COQ9: variants seen among roughly 807,000 people sequenced by gnomAD.
COQ9 encodes ubiquinone biosynthesis protein COQ9, mitochondrial.
A neutral mutation model predicts 42.4 loss-of-function variants in COQ9; 35 were observed. That is an observed-to-expected ratio of 0.83 (90% CI 0.63 to 1.10). The LOEUF is 1.10. Ranked by LOEUF, COQ9 falls within the 50% of genes least tolerant of loss-of-function variation. COQ9 has a pLI of 0.00. For synonymous variants in COQ9, 155 were observed against 155.1 expected (o/e 1.00, Z 0.00); for missense variants, 406 against 414.6 (o/e 0.98, Z 0.18).
At chr16:57,457,356 G>C in intron 5 of COQ9, 1 of 381,770 alleles carries the variant, frequency 2.6e-6, no homozygotes, top group South Asian at 2.2e-5. Context: ...TTTATTGGCT[G>C]TCTTCACTTG....
chr16:57,458,648 T>C (rs949460099), intron 6 of COQ9, among the ~76,000 whole-genome samples: 5 of 152,304 alleles, frequency 3.3e-5, no homozygotes, highest in Admixed American at 2.6e-4. Context: ...TTATTATCAT[T>C]TCCCTCTCTC....
At chr16:57,458,862 C>T (rs755235427) in intron 6 of COQ9, among the ~76,000 whole-genome samples, 5 of 152,134 alleles carry the variant, frequency 3.3e-5, no homozygotes, top group Non-Finnish European at 7.4e-5. Flanking sequence ...TTAAAAAATA[C>T]ACCTTCATAA....
chr16:57,458,111 A>G, intron 5 of COQ9, 135 bp from the exon 6 acceptor site: 1 of 714,272 alleles, frequency 1.4e-6, no homozygotes, highest in Non-Finnish European at 2.5e-6. Flanking sequence ...AACTCACGCC[A>G]GTGGGTGAAG....
intron 3 of COQ9, among the ~76,000 whole-genome samples, chr16:57,455,981 T>C (rs1424528799): frequency 6.6e-6 from 1 of 152,024 alleles, no homozygotes; most frequent in Non-Finnish European, 1.5e-5. Context: ...GATGGGACGA[T>C]TGCTTGAGCC....
intron 5 of COQ9, among the ~76,000 whole-genome samples, chr16:57,457,611 C>A (rs1029063377): frequency 6.6e-6 from 1 of 152,192 alleles, no homozygotes; most frequent in Admixed American, 6.5e-5. Flanking sequence ...TGGAAGACTA[C>A]TAAGCACGTA....
chr16:57,459,695 T>G lies in COQ9; in HGVS notation c.842T>G (p.Met281Arg), dbSNP rs759776839. Residue 281 changes from methionine to arginine, a missense_variant, in exon 7 of 9, where the codon ATG becomes AGG. Coordinates refer to ENST00000262507, the MANE Select transcript of COQ9 (RefSeq NM_020312.4). Reference sequence around the variant, plus strand: ...CTGGAAAACCGGGTTAATGATGCAATGAACATGGGCCACACTGCCAAGCAG... The same window carrying G: ...CTGGAAAACCGGGTTAATGATGCAAGGAACATGGGCCACACTGCCAAGCAG... ...RFLENRVNDAMNMGHTAKQVK... is the reference protein window; with the variant it reads ...RFLENRVNDARNMGHTAKQVK... The G allele has an allele frequency of 1.9e-6, 3 of 1,614,124 alleles. No individual in the cohort carries two copies. The South Asian group carries it at 3.3e-5, about 18-fold the overall frequency.
intron 5 of COQ9, 31 bp from the exon 6 acceptor site, chr16:57,458,215 A>C: frequency 5.3e-6 from 8 of 1,507,450 alleles, no homozygotes; most frequent in Non-Finnish European, 7.3e-6. Context: ...ACCTGTGAGC[A>C]GAGCTTACTC....
At chr16:57,453,103 G>A (rs1369456739) in intron 3 of COQ9, 167 bp downstream of exon 3, 2 of 833,858 alleles carry the variant, frequency 2.4e-6, no homozygotes, top group East Asian at 5.3e-5. Flanking sequence ...GCTTTATTTT[G>A]TAGTTATAAA....
At position 57,460,093 on chromosome 16, in the gene COQ9, G is replaced by T. The variant is rs750834824; in HGVS notation, c.910G>T (p.Ala304Ser). ...GEALVQGLMG[A>S]AVTLKNLTGL... Reference sequence around the variant, plus strand: ...GGCACTGGTGCAAGGACTCATGGGTGCAGCAGTGACGGTGAGTACTGCCCA... The same window carrying T: ...GGCACTGGTGCAAGGACTCATGGGTTCAGCAGTGACGGTGAGTACTGCCCA... The change falls in exon 8 of 9, where the codon GCA (alanine) becomes TCA (serine). Residue 304 changes from alanine to serine, a missense_variant. Ala to Ser is a moderately conservative substitution (Grantham distance 99). Coordinates refer to ENST00000262507, the MANE Select transcript of COQ9 (RefSeq NM_020312.4). The T allele has an allele frequency of 1.9e-6, 3 of 1,614,124 alleles. No individual in the cohort carries two copies. Among genetic ancestry groups the T allele is most frequent in the Non-Finnish European group, 2.5e-6 (3 of 1,180,018 alleles).
chr16:57,450,906 G>A lies in COQ9; in HGVS notation c.74-134G>A, dbSNP rs1348911042. 25 of 987,926 alleles carry A rather than the reference G, an allele frequency of 2.5e-5. No homozygotes were observed. In the Admixed American group the frequency reaches 4.2e-4, roughly 17 times the overall value. The allele number at this position is 987,926 out of a possible 1,614,324, so 61.2% of individuals were successfully genotyped here. A position where few individuals can be genotyped will look rare whatever the true frequency, so the allele number is the denominator to read the frequency against. ...CCCAGTTTACCCAATATTTTTGTGT[G>A]GGACCCAACACTTGGATAAGTGGTT... On this transcript the variant is annotated intron_variant, in intron 1 of 8. Coordinates refer to ENST00000262507, the MANE Select transcript of COQ9 (RefSeq NM_020312.4).
chr16:57,457,430 T>C (rs1212564038), intron 5 of COQ9: 6 of 338,662 alleles, frequency 1.8e-5, no homozygotes, highest in African/African-American at 1.1e-4. Context: ...AATGTGATGC[T>C]TGGGGACTGG....
intron 6 of COQ9, 73 bp from the exon 7 acceptor site, chr16:57,459,492 G>A (rs901037626): frequency 6.5e-7 from 1 of 1,531,730 alleles, no homozygotes; most frequent in East Asian, 2.2e-5. Context: ...GAACCCAGGA[G>A]TTCCCATGGC....
At position 57,461,177 on chromosome 16, in the gene COQ9, A is replaced by AT. The variant is rs1397322002; in HGVS notation, c.*555dup. The AT allele has an allele frequency of 4.4e-6, 2 of 455,800 alleles. No homozygotes were observed. Among genetic ancestry groups the AT allele is most frequent in the African/African-American group, 2.0e-5 (1 of 50,084 alleles). The allele number at this position is 455,800 out of a possible 1,614,324, so 28.2% of individuals were successfully genotyped here. On this transcript the variant is annotated 3_prime_UTR_variant, in exon 9 of 9. Coordinates refer to ENST00000262507, the MANE Select transcript of COQ9 (RefSeq NM_020312.4). The stretch of plus-strand genomic sequence containing the variant: ...CAAGTGCCTGCTGGACAGAGGTGTG[A>AT]TTCCAGGCCTGGTGTCACATGACAC...
At chr16:57,455,712 G>A (rs1466791665) in intron 3 of COQ9, among the ~76,000 whole-genome samples, 3 of 152,230 alleles carry the variant, frequency 2.0e-5, no homozygotes, top group Admixed American at 6.5e-5. Context: ...GTTTGGCTGC[G>A]AGGGGTAGAA....
chr16:57,455,397 TTA>T lies in COQ9; in HGVS notation c.379-1088_379-1087del, dbSNP rs147294926. On this transcript the variant is annotated intron_variant, in intron 3 of 8. Transcript: ENST00000262507. The stretch of plus-strand genomic sequence containing the variant: ...TACAGTATATATATGCACGCTGATT[TTA>T]TATATATATATATATATAAAATAAT... Among the ~76,000 whole-genome samples, 137 of 142,746 alleles carry T rather than the reference TTA, an allele frequency of 9.6e-4. 1 individual carries two copies. Among genetic ancestry groups the T allele is most frequent in the Admixed American group, 1.6e-3 (23 of 14,012 alleles). The allele number at this position is 142,746 out of a possible 152,430, so 93.6% of individuals were successfully genotyped here. A position where few individuals can be genotyped will look rare whatever the true frequency, so the allele number is the denominator to read the frequency against.
chr16:57,450,805 T>C, intron 1 of COQ9: 1 of 580,078 alleles, frequency 1.7e-6, no homozygotes, highest in African/African-American at 1.9e-5. Flanking sequence ...TAACAAGTGG[T>C]AGAAACAGGT....
intron 8 of COQ9, 45 bp downstream of exon 8, chr16:57,460,149 C>A: frequency 6.3e-7 from 1 of 1,591,328 alleles, no homozygotes; most frequent in South Asian, 1.1e-5. Context: ...TCTCCCATTC[C>A]GGCTCTGTGA....
Position 57,460,175 on chromosome 16 carries a change from C to T in COQ9, c.921+71C>T, listed in dbSNP as rs1185337946. Reference sequence around the variant, plus strand: ...GGCTCTGTGATACATGTGTTACTGACTTCACATCATTTTGTAGCCCTAACC... The same window carrying T: ...GGCTCTGTGATACATGTGTTACTGATTTCACATCATTTTGTAGCCCTAACC... On this transcript the variant is annotated intron_variant, in intron 8 of 8. Coordinates refer to ENST00000262507, the MANE Select transcript of COQ9 (RefSeq NM_020312.4). 2.1e-6 allele frequency: 3 copies of T among 1,449,068 alleles called. No homozygotes were observed. In the African/African-American group the frequency reaches 4.2e-5, roughly 20 times the overall value. 89.8% of individuals were successfully genotyped at this position (1,449,068 alleles called of 1,614,324 possible).
chr16:57,451,254 A>G, intron 2 of COQ9, 46 bp downstream of exon 2: 1 of 1,579,598 alleles, frequency 6.3e-7, no homozygotes, highest in South Asian at 1.1e-5. Context: ...ATGCTTCATT[A>G]TGTCTGTTCC....
Sources: allele counts gnomAD v4.1 joint callset (sites outside exome capture counted in the v4.1 genomes callset), GRCh38; gene constraint gnomAD v4.1.1; transcripts MANE v1.5; gene names NCBI Gene and HGNC (gene_info 2026-07-23, HGNC 2026-07-21).